Variants in OBP2B observed in about 807,000 individuals in gnomAD.
The protein encoded by OBP2B is odorant-binding protein 2b.
A neutral mutation model predicts 21.7 loss-of-function variants in OBP2B; 10 were observed. The observed-to-expected ratio is 0.46, with a 90% CI of 0.28 to 0.78. The LOEUF is 0.78. Ranked by LOEUF, OBP2B falls within the 30% of genes least tolerant of loss-of-function variation. OBP2B has a pLI of 0.11. For missense variants in OBP2B, 153 were observed against 217.7 expected (o/e 0.70, Z 1.87); for synonymous variants, 73 against 91.5 (o/e 0.80, Z 1.16).
At chr9:133,212,729 G>A (rs1185827639), upstream of OBP2B, among the ~76,000 whole-genome samples, 1 of 152,186 alleles carries the variant, frequency 6.6e-6, no homozygotes, top group Non-Finnish European at 1.5e-5. Flanking sequence ...TCAGGAATTC[G>A]AGACCAGCCT....
chr9:133,218,516 G>C, the OBP2B span, among the ~76,000 whole-genome samples: 1 of 152,222 alleles, frequency 6.6e-6, no homozygotes, highest in Non-Finnish European at 1.5e-5. Flanking sequence ...AACCCAGGAT[G>C]GTGCACTGAT....
At chr9:133,205,838 G>C in intron 6 of OBP2B, 79 bp downstream of exon 6, 1 of 1,608,358 alleles carries the variant, frequency 6.2e-7, no homozygotes, top group Non-Finnish European at 8.5e-7. Context: ...GGATGGGAGG[G>C]GCCAGAGCAG....
At chr9:133,206,667 A>G (rs1252262003) in intron 4 of OBP2B, among the ~76,000 whole-genome samples, 1 of 149,976 alleles carries the variant, frequency 6.7e-6, no homozygotes, top group Admixed American at 6.6e-5. Flanking sequence ...GCCATAGCCC[A>G]GCACCGGACA....
the OBP2B span, among the ~76,000 whole-genome samples, chr9:133,220,280 T>C: frequency 1.3e-5 from 2 of 152,160 alleles, no homozygotes; most frequent in Non-Finnish European, 2.9e-5. Context: ...ATATATCAAA[T>C]AAAAATTTTA....
chr9:133,212,544 G>T (rs10793957), upstream of OBP2B, among the ~76,000 whole-genome samples: 123,588 of 152,222 alleles, frequency 0.81, 50,861 homozygotes, highest in African/African-American at 0.91. Context: ...TTTCTTCAGA[G>T]GCTTGGAAAC....
chr9:133,207,141 G>A (rs745335125), intron 4 of OBP2B, 85 bp downstream of exon 4: 54 of 961,800 alleles, frequency 5.6e-5, no homozygotes, highest in Non-Finnish European at 8.7e-5. Flanking sequence ...TTTCCCCCAT[G>A]CCAGGGCATG....
At chr9:133,209,643 T>A (rs1165520087), upstream of OBP2B, among the ~76,000 whole-genome samples, 4 of 152,130 alleles carry the variant, frequency 2.6e-5, no homozygotes, top group Non-Finnish European at 5.9e-5. This position sits in a 1 kb window ranked among gnomAD's most constrained non-coding sequence, Gnocchi z 6.0. Flanking sequence ...ATCTCCCTGC[T>A]GAGCAGAAAT....
chr9:133,209,787 TC>T (rs1367914773), upstream of OBP2B, among the ~76,000 whole-genome samples: 1 of 152,052 alleles, frequency 6.6e-6, no homozygotes, highest in African/African-American at 2.4e-5. This position sits in a 1 kb window ranked among gnomAD's most constrained non-coding sequence, Gnocchi z 6.0. Flanking sequence ...CACTCGAGCT[TC>T]CTAGGGGCAG....
At chr9:133,212,862 C>T (rs111872308), upstream of OBP2B, among the ~76,000 whole-genome samples, 317 of 152,094 alleles carry the variant, frequency 2.1e-3, 1 homozygote, top group African/African-American at 6.8e-3. Flanking sequence ...ACCCGGGAGG[C>T]GGAGGTTGCA....
chr9:133,209,079 C>A lies in OBP2B; in HGVS notation c.72+49G>T. The A allele has an allele frequency of 6.2e-7, 1 of 1,610,838 alleles. No homozygotes were observed. Among genetic ancestry groups the A allele is most frequent in the Non-Finnish European group, 8.5e-7 (1 of 1,178,820 alleles). On this transcript the variant is annotated intron_variant, in intron 1 of 6. Transcript: ENST00000372034. This position sits in a 1 kb window ranked among gnomAD's most constrained non-coding sequence, Gnocchi z 6.0. ...GCAGGGCCCCTGGCACTGCCCCCTGCCCAGGAGTCCGCCTGGCTCCTCCAT... is the reference window on the plus strand; with the variant it reads ...GCAGGGCCCCTGGCACTGCCCCCTGACCAGGAGTCCGCCTGGCTCCTCCAT...
At chr9:133,216,786 A>G in the OBP2B span, among the ~76,000 whole-genome samples, 3 of 152,316 alleles carry the variant, frequency 2.0e-5, no homozygotes, top group South Asian at 2.1e-4. Flanking sequence ...TATGATTGCA[A>G]TAGACGACAT....
At chr9:133,207,134 C>T (rs1833748222) in intron 4 of OBP2B, 92 bp downstream of exon 4, 2 of 904,562 alleles carry the variant, frequency 2.2e-6, no homozygotes, top group South Asian at 1.4e-5. Flanking sequence ...GCTTCCTTTT[C>T]CCCCATGCCA....
At chr9:133,219,856 G>A in the OBP2B span, among the ~76,000 whole-genome samples, 1 of 152,094 alleles carries the variant, frequency 6.6e-6, no homozygotes, top group African/African-American at 2.4e-5. Context: ...CAAAACCCAA[G>A]AAGTAGAAAC....
chr9:133,206,557 G>C, intron 4 of OBP2B, 141 bp from the exon 5 acceptor site: 1 of 1,082,126 alleles, frequency 9.2e-7, no homozygotes, highest in Non-Finnish European at 1.3e-6. Flanking sequence ...CGGGGGTGGG[G>C]CTGGGGACAG....
At chr9:133,216,520 G>A in the OBP2B span, among the ~76,000 whole-genome samples, 12 of 150,466 alleles carry the variant, frequency 8.0e-5, no homozygotes, top group Admixed American at 2.6e-4. Context: ...ATAGAACCCC[G>A]CAATAGAACC....
At position 133,206,296 on chromosome 9, in the gene OBP2B, T is replaced by C; in HGVS notation, c.490+19A>G. On this transcript the variant is annotated intron_variant, in intron 5 of 6. Transcript: ENST00000372034. Reference sequence around the variant, plus strand: ...GACACAGCAGAGGGACACAGGGGACTGGGCACAGCCATCCTCACCCGTCTG... The same window carrying C: ...GACACAGCAGAGGGACACAGGGGACCGGGCACAGCCATCCTCACCCGTCTG... 6.2e-7 allele frequency: 1 copy of C among 1,609,428 alleles called. No homozygotes were observed. The highest frequency in any genetic ancestry group is 1.1e-5 in the South Asian group (1 of 90,986).
At chr9:133,214,873 C>T in the OBP2B span, among the ~76,000 whole-genome samples, 1 of 152,282 alleles carries the variant, frequency 6.6e-6, no homozygotes, top group African/African-American at 2.4e-5. Flanking sequence ...ACTTTCACCA[C>T]TTGTATTTAA....
At chr9:133,220,731 G>A in the OBP2B span, among the ~76,000 whole-genome samples, 2 of 152,166 alleles carry the variant, frequency 1.3e-5, no homozygotes, top group Admixed American at 6.5e-5. Context: ...ATGGTAAAAC[G>A]GACTTCACAG....
chr9:133,222,499 G>A, the OBP2B span, among the ~76,000 whole-genome samples: 1 of 152,190 alleles, frequency 6.6e-6, no homozygotes, highest in African/African-American at 2.4e-5. Flanking sequence ...AGGCATAGGT[G>A]GGTGGATCAA....
Sources: gnomAD v4.1 joint callset for allele counts (sites outside exome capture counted in the v4.1 genomes callset) on GRCh38, gnomAD v4.1.1 for gene constraint, Gnocchi (gnomAD v3.1) non-coding constraint, MANE v1.5 for transcripts, NCBI Gene and HGNC (gene_info 2026-07-23, HGNC 2026-07-21) for gene names.